Variants in ITPR1 observed in about 807,000 individuals in gnomAD.
The protein encoded by ITPR1 is inositol 1,4,5-trisphosphate-gated calcium channel ITPR1.
Under a neutral mutation model 318.4 loss-of-function variants are expected in ITPR1, and 96 were observed. The ratio of observed to expected loss-of-function variants is 0.30; its 90% confidence interval spans 0.26 to 0.36. ITPR1 has a LOEUF of 0.36. Among genes scored for constraint, ITPR1 ranks in the 10% least tolerant of loss-of-function variants. ITPR1 has a pLI of 1.00. For synonymous variants in ITPR1, 1,312 were observed against 1,289.9 expected (o/e 1.02, Z -0.37); for missense variants, 2,440 against 3,460.2 (o/e 0.71, Z 7.40).
At chr3:4,633,225 TG>T (rs1238137602) in intron 5 of ITPR1, among the ~76,000 whole-genome samples, 3 of 152,202 alleles carry the variant, frequency 2.0e-5, no homozygotes, top group African/African-American at 7.2e-5. Context: ...CATGAGCCAC[TG>T]GGCCCGGCCT....
chr3:4,622,512 C>T (rs1222556542), intron 4 of ITPR1, among the ~76,000 whole-genome samples: 1 of 151,592 alleles, frequency 6.6e-6, no homozygotes, highest in Non-Finnish European at 1.5e-5. Context: ...CAACCTCCGC[C>T]TCCCGGGTTC....
intron 12 of ITPR1, among the ~76,000 whole-genome samples, chr3:4,655,140 G>A (rs896944117): frequency 6.6e-6 from 1 of 152,140 alleles, no homozygotes; most frequent in Non-Finnish European, 1.5e-5. Context: ...GGACTGGGAG[G>A]GACGTCATGT....
intron 51 of ITPR1, among the ~76,000 whole-genome samples, chr3:4,784,460 T>A (rs1199440923): frequency 1.3e-5 from 2 of 151,624 alleles, no homozygotes; most frequent in African/African-American, 4.9e-5. Flanking sequence ...TCTCACAGGG[T>A]CCTATCAACC....
chr3:4,621,865 C>T (rs2092649181), intron 4 of ITPR1, among the ~76,000 whole-genome samples: 1 of 152,196 alleles, frequency 6.6e-6, no homozygotes, highest in Non-Finnish European at 1.5e-5. Flanking sequence ...TCCTGCAACT[C>T]CAAGTTCAGA....
rs367863297 is a variant in ITPR1 at position 4,639,460 on chromosome 3, A to G, written c.356A>G (p.Asn119Ser). 5.1e-5 allele frequency: 80 copies of G among 1,578,776 alleles called. No homozygotes were observed. The highest frequency in any genetic ancestry group is 2.7e-5 in the African/African-American group (2 of 74,136). ...KLLGTVIQYG[N>S]VIQLLHLKSN... ...CTGGGGACCGTAATCCAGTATGGCAATGTGATCCAGGTAGGTCAAGGCAGC... is the reference window on the plus strand; with the variant it reads ...CTGGGGACCGTAATCCAGTATGGCAGTGTGATCCAGGTAGGTCAAGGCAGC... The change falls in exon 6 of 62, where the codon AAT becomes AGT. Residue 119 changes from asparagine to serine, a missense_variant. Coordinates refer to ENST00000649015, the MANE Select transcript of ITPR1 (RefSeq NM_001378452.1).
intron 52 of ITPR1, among the ~76,000 whole-genome samples, chr3:4,791,730 G>C (rs1397872365): frequency 6.6e-6 from 1 of 152,182 alleles, no homozygotes; most frequent in Non-Finnish European, 1.5e-5. Flanking sequence ...ATACCAAGCT[G>C]TTTGTGACTA....
At chr3:4,518,300 T>G (rs1251350957) in intron 3 of ITPR1, among the ~76,000 whole-genome samples, 1 of 152,204 alleles carries the variant, frequency 6.6e-6, no homozygotes, top group African/African-American at 2.4e-5. Flanking sequence ...AGTACCTTCT[T>G]TCTCTTCCAG....
In ITPR1 at chr3:4,658,035, C is replaced by A. The variant is rs191865702; in HGVS notation, c.997-89C>A. On this transcript the variant is annotated intron_variant, in intron 12 of 61. Transcript: ENST00000649015. ...CAACTGCTGACATTCACGATCCTTT[C>A]TTCTCCGTTCCTGTGGATTGTGGAA... 9.6e-5 allele frequency: 125 copies of A among 1,296,974 alleles called. No homozygotes were observed. In the African/African-American group the frequency reaches 1.6e-3, roughly 17 times the overall value. 80.3% of individuals were successfully genotyped at this position (1,296,974 alleles called of 1,614,324 possible). A position where few individuals can be genotyped will look rare whatever the true frequency, so the allele number is the denominator to read the frequency against.
chr3:4,805,447 T>C (rs2048494500), intron 54 of ITPR1, among the ~76,000 whole-genome samples: 1 of 152,182 alleles, frequency 6.6e-6, no homozygotes, highest in African/African-American at 2.4e-5. Context: ...GAATACAATA[T>C]TGTGATGGCC....
At chr3:4,821,738 C>T (rs1042751181) in intron 60 of ITPR1, among the ~76,000 whole-genome samples, 32 of 152,164 alleles carry the variant, frequency 2.1e-4, no homozygotes, top group African/African-American at 7.7e-4. Flanking sequence ...GCTGGAACTG[C>T]CTACAGACAA....
At position 4,840,772 on chromosome 3, in the gene ITPR1, T is replaced by C. The variant is rs371513625; in HGVS notation, c.8190+3837T>C. 7.6e-4 allele frequency among the ~76,000 whole-genome samples: 116 copies of C among 152,332 alleles called. 2 individuals are homozygous for C. Among genetic ancestry groups the C allele is most frequent in the African/African-American group, 2.7e-3 (111 of 41,582 alleles). On this transcript the variant is annotated intron_variant, in intron 61 of 61. Coordinates refer to ENST00000649015, the MANE Select transcript of ITPR1 (RefSeq NM_001378452.1). ...AGAGATTCTGAACACTAAATGTGAT[T>C]CTCTTACATTCTTATTCCAAGGAGG... is the stretch of plus-strand genomic sequence containing the variant.
At chr3:4,835,480 C>T (rs772849911) in intron 60 of ITPR1, among the ~76,000 whole-genome samples, 21 of 152,210 alleles carry the variant, frequency 1.4e-4, no homozygotes, top group African/African-American at 2.4e-4. Context: ...GACCAGGTGG[C>T]CCACAAAGCT....
At chr3:4,593,762 C>A (rs941942171) in intron 4 of ITPR1, among the ~76,000 whole-genome samples, 3 of 152,092 alleles carry the variant, frequency 2.0e-5, no homozygotes, top group African/African-American at 4.8e-5. Context: ...CAGGAGAGAC[C>A]AGTGCAAAAG....
At chr3:4,609,814 A>G (rs2091967375) in intron 4 of ITPR1, among the ~76,000 whole-genome samples, 1 of 152,192 alleles carries the variant, frequency 6.6e-6, no homozygotes, top group South Asian at 2.1e-4. Flanking sequence ...ATAGAACAGG[A>G]CAGAGCTTCC....
intron 4 of ITPR1, among the ~76,000 whole-genome samples, chr3:4,622,367 C>A (rs1259148705): frequency 1.3e-5 from 2 of 151,260 alleles, no homozygotes; most frequent in Non-Finnish European, 2.9e-5. Flanking sequence ...CCTGCCTTGG[C>A]CTCCCAAAGT....
intron 39 of ITPR1, among the ~76,000 whole-genome samples, chr3:4,712,458 A>T (rs528367206): frequency 6.6e-6 from 1 of 152,346 alleles, no homozygotes; most frequent in Non-Finnish European, 1.5e-5. Flanking sequence ...GGACAGAAAC[A>T]ATGTCATTCC....
intron 44 of ITPR1, chr3:4,749,729 T>C (rs2044362965): frequency 6.6e-6 from 1 of 152,566 alleles, no homozygotes; most frequent in African/African-American, 2.4e-5. Flanking sequence ...AAAGTTCCCA[T>C]GGTAACTGTT....
intron 2 of ITPR1, among the ~76,000 whole-genome samples, chr3:4,511,800 G>C (rs1226301632): frequency 6.6e-6 from 1 of 152,178 alleles, no homozygotes; most frequent in Non-Finnish European, 1.5e-5. Context: ...AGGTGCTTTT[G>C]AGGTCATTCT....
chr3:4,824,976 C>G (rs1010170680), intron 60 of ITPR1, among the ~76,000 whole-genome samples: 4 of 152,172 alleles, frequency 2.6e-5, no homozygotes, highest in African/African-American at 9.7e-5. Flanking sequence ...CTTTGGTGGC[C>G]AGATTTGAGA....
Sources: gnomAD v4.1 joint callset for allele counts (sites outside exome capture counted in the v4.1 genomes callset) on GRCh38, gnomAD v4.1.1 for gene constraint, MANE v1.5 for transcripts, NCBI Gene and HGNC (gene_info 2026-07-23, HGNC 2026-07-21) for gene names.